The following COL4A3 variants were observed in gnomAD, a reference collection of about 807,000 sequenced individuals.
COL4A3 encodes the protein collagen alpha-3(IV) chain.
COL4A3 carries 135 observed loss-of-function variants against 217.4 expected under a neutral mutation model. The ratio of observed to expected loss-of-function variants is 0.62; its 90% CI spans 0.54 to 0.72. The LOEUF is 0.72. Among genes scored for constraint, COL4A3 ranks in the 30% least tolerant of loss-of-function variants. The pLI, the probability that COL4A3 is intolerant of heterozygous loss-of-function variation, is 0.00. For synonymous variants in COL4A3, 690 were observed against 736.3 expected, an observed-to-expected ratio of 0.94 and a Z score of 1.02; for missense variants, 1,868 against 2,119.9, an observed-to-expected ratio of 0.88 and a Z score of 2.33.
At chr2:227,169,285 T>A (rs1342857619) in intron 1 of COL4A3, 2 of 151,530 alleles carry the variant, frequency 1.3e-5, no homozygotes, top group African/African-American at 4.8e-5. Context: ...TAATCCAGTC[T>A]ATCGTTGTTG....
chr2:227,292,526 G>A (rs918588644), intron 37 of COL4A3, among the ~76,000 whole-genome samples: 3 of 152,200 alleles, frequency 2.0e-5, no homozygotes, highest in African/African-American at 4.8e-5. Context: ...CAAAATGAGA[G>A]TAACAGAGTA....
At chr2:227,273,198 T>G (rs1161954160) in intron 26 of COL4A3, 81 bp downstream of exon 26, 1 of 1,443,174 alleles carries the variant, frequency 6.9e-7, no homozygotes, top group Non-Finnish European at 9.7e-7. Flanking sequence ...TCTCCAAGAC[T>G]AAGGAAAATA....
At chr2:227,206,973 T>C (rs553296769) in intron 1 of COL4A3, among the ~76,000 whole-genome samples, 11 of 152,186 alleles carry the variant, frequency 7.2e-5, no homozygotes, top group Non-Finnish European at 1.3e-4. Flanking sequence ...ACTGCATACT[T>C]GCACTGTGTC....
chr2:227,259,651 A>G, intron 18 of COL4A3, 142 bp from the exon 19 acceptor site: 1 of 666,746 alleles, frequency 1.5e-6, no homozygotes, highest in East Asian at 2.7e-5. Context: ...ACTATCATAT[A>G]CCTGCTAACA....
intron 1 of COL4A3, among the ~76,000 whole-genome samples, chr2:227,168,531 A>C (rs1231612006): frequency 6.6e-6 from 1 of 152,188 alleles, no homozygotes; most frequent in Non-Finnish European, 1.5e-5. Flanking sequence ...ATATTTGGAT[A>C]CAAAACTTTT....
chr2:227,210,725 A>T (rs1047375402), intron 1 of COL4A3, among the ~76,000 whole-genome samples: 3 of 152,246 alleles, frequency 2.0e-5, no homozygotes, highest in African/African-American at 7.2e-5. Context: ...ATCTACCACA[A>T]CTGCATTCCC....
At chr2:227,294,625 C>T (rs2072941072) in intron 39 of COL4A3, 55 bp downstream of exon 39, 1 of 1,302,348 alleles carries the variant, frequency 7.7e-7, no homozygotes, top group Admixed American at 1.7e-5. Context: ...ACATTTTCTC[C>T]TGAGGTTTGG....
At position 227,253,498 on chromosome 2, in the gene COL4A3, T is replaced by C; in HGVS notation, c.688-63T>C. 6.8e-7 allele frequency: 1 copy of C among 1,462,656 alleles called. No individual in the cohort carries two copies. The highest frequency in any genetic ancestry group is 9.6e-7 in the Non-Finnish European group (1 of 1,041,932). The allele number at this position is 1,462,656 out of a possible 1,614,324, so 90.6% of individuals were successfully genotyped here. ...AGGGGAAAAGTAGACCTTTCAAACGTAGTAACATTGAAATGTTGATGCTGT... is the reference window on the plus strand; with the variant it reads ...AGGGGAAAAGTAGACCTTTCAAACGCAGTAACATTGAAATGTTGATGCTGT... On this transcript the variant is annotated intron_variant, in intron 12 of 51. Transcript: ENST00000396578. The surrounding 1 kb of genome is among the most constrained non-coding windows in gnomAD (Gnocchi z 4.4).
At chr2:227,190,457 A>G (rs2066188487) in intron 1 of COL4A3, among the ~76,000 whole-genome samples, 1 of 152,256 alleles carries the variant, frequency 6.6e-6, no homozygotes, top group African/African-American at 2.4e-5. Context: ...AGTCTGAAGC[A>G]AACACATAAA....
At position 227,272,953 on chromosome 2, in the gene COL4A3, T is replaced by C; in HGVS notation, c.1763T>C (p.Leu588Pro). The C allele has an allele frequency of 6.2e-7, 1 of 1,614,088 alleles. No individual in the cohort carries two copies. Among genetic ancestry groups the C allele is most frequent in the South Asian group, 1.1e-5 (1 of 91,070 alleles). The change falls in exon 26 of 52, where the codon CTG becomes CCG. Residue 588 changes from leucine to proline, a missense_variant. Coordinates refer to ENST00000396578, the MANE Select transcript of COL4A3 (RefSeq NM_000091.5). Reference protein sequence around the residue: ...GLPGPKGELALSGEKGDQGPP... With the variant: ...GLPGPKGELAPSGEKGDQGPP... ...AACACATTCCTGTTGTCACAGGCTC[T>C]GAGTGGTGAGAAAGGGGACCAAGGT...
intron 1 of COL4A3, among the ~76,000 whole-genome samples, chr2:227,201,402 G>A (rs2066680208): frequency 6.6e-6 from 1 of 152,126 alleles, no homozygotes; most frequent in South Asian, 2.1e-4. Flanking sequence ...GGTAGAAAAG[G>A]CAAATTTGTC....
At chr2:227,262,577 T>C (rs116852292) in intron 20 of COL4A3, among the ~76,000 whole-genome samples, 1 of 152,356 alleles carries the variant, frequency 6.6e-6, no homozygotes, top group East Asian at 1.9e-4. Context: ...CAGTGTTTTA[T>C]AGTTTTTCTT....
At chr2:227,165,557 G>T (rs560365777) in intron 1 of COL4A3, among the ~76,000 whole-genome samples, 17 of 152,234 alleles carry the variant, frequency 1.1e-4, no homozygotes, top group African/African-American at 4.1e-4. Context: ...TCCTAGAGTT[G>T]ACTCACTTGA....
At chr2:227,209,492 CCT>C (rs776291251) in intron 1 of COL4A3, among the ~76,000 whole-genome samples, 6 of 152,172 alleles carry the variant, frequency 3.9e-5, no homozygotes, top group Non-Finnish European at 7.3e-5. Flanking sequence ...TTCTGTGAAG[CCT>C]CTGTGTCCGA....
intron 38 of COL4A3, chr2:227,293,613 G>A: frequency 2.2e-6 from 1 of 463,358 alleles, no homozygotes; most frequent in South Asian, 1.9e-5. Flanking sequence ...CAATCATAAT[G>A]TTTGTATTAG....
intron 1 of COL4A3, among the ~76,000 whole-genome samples, chr2:227,214,610 CTTCA>C: frequency 1.3e-5 from 2 of 152,340 alleles, no homozygotes; most frequent in African/African-American, 4.8e-5. Flanking sequence ...TATTAAAACA[CTTCA>C]CAGGTCCTAT....
At chr2:227,203,096 TATATAC>T (rs2066851674) in intron 1 of COL4A3, among the ~76,000 whole-genome samples, 2 of 65,680 alleles carry the variant, frequency 3.0e-5, no homozygotes, top group East Asian at 3.5e-4. Flanking sequence ...TATATGTGTA[TATATAC>T]ATATATGTGT....
Position 227,276,478 on chromosome 2 carries a change from G to A in COL4A3, c.2020+1G>A. 1.2e-6 allele frequency: 2 copies of A among 1,612,114 alleles called. No individual in the cohort carries two copies. The highest frequency in any genetic ancestry group is 2.2e-5 in the South Asian group (2 of 91,058). On this transcript the variant is annotated splice_donor_variant, in intron 27 of 51. Transcript: ENST00000396578. LOFTEE classifies it high-confidence loss of function. ...CATCCTGGCCCCCAAGGTCCACCTG[G>A]TAAGTATCCTCTGCCAAATCTGGTA...
chr2:227,211,963 G>A (rs554651995), intron 1 of COL4A3, among the ~76,000 whole-genome samples: 69 of 152,150 alleles, frequency 4.5e-4, no homozygotes, highest in African/African-American at 1.5e-3. Context: ...CACCGTGCCC[G>A]GCCAGACTTG....
Sources: allele counts gnomAD v4.1 joint callset (sites outside exome capture counted in the v4.1 genomes callset), GRCh38; gene constraint gnomAD v4.1.1; non-coding constraint Gnocchi (gnomAD v3.1); transcripts MANE v1.5; gene names NCBI Gene and HGNC (gene_info 2026-07-23, HGNC 2026-07-21).